ROBO4: variants seen among roughly 807,000 people sequenced by gnomAD.
ROBO4 encodes roundabout homolog 4.
Under a neutral mutation model 103.3 loss-of-function variants are expected in ROBO4, and 80 were observed. The ratio of observed to expected loss-of-function variants is 0.77; its 90% CI spans 0.65 to 0.93. ROBO4 has a LOEUF of 0.93. Ranked by LOEUF, ROBO4 falls within the 40% of genes least tolerant of loss-of-function variation. The pLI is 0.00. For missense variants in ROBO4, 1,333 were observed against 1,305.3 expected, an observed-to-expected ratio of 1.02 and a Z score of -0.33; for synonymous variants, 504 against 529.7, an observed-to-expected ratio of 0.95 and a Z score of 0.67.
intron 1 of ROBO4, 189 bp downstream of exon 1, chr11:124,897,537 T>G: frequency 1.7e-6 from 1 of 590,344 alleles, no homozygotes; most frequent in Non-Finnish European, 3.1e-6. Context: ...CTCTCTTTCC[T>G]TCTTTCTCTC....
At position 124,895,096 on chromosome 11, in the gene ROBO4, G is replaced by T; in HGVS notation, c.1134C>A (p.Ile378=). Residue 378 remains isoleucine (I), a synonymous_variant, in exon 7 of 18, where the codon ATC becomes ATA. Coordinates refer to ENST00000306534, the MANE Select transcript of ROBO4 (RefSeq NM_019055.6). The part of the protein sequence containing the change: ...VPPPAENHNG[I]IRGYQVWSLG... ...GTGGGGGTACCTGGTAGCCACGGATGATGCCATTGTGGTTTTCAGCAGGTG... is the reference window on the plus strand; with the variant it reads ...GTGGGGGTACCTGGTAGCCACGGATTATGCCATTGTGGTTTTCAGCAGGTG... The T allele has an allele frequency of 6.2e-7, 1 of 1,613,798 alleles. No individual in the cohort carries two copies. Among genetic ancestry groups the T allele is most frequent in the Middle Eastern group, 1.6e-4 (1 of 6,062 alleles).
chr11:124,887,245 G>C (rs1163537963), intron 14 of ROBO4, 32 bp from the exon 15 acceptor site: 2 of 1,587,484 alleles, frequency 1.3e-6, no homozygotes. Context: ...TGGCACCGTA[G>C]TTACTACAGC....
intron 1 of ROBO4, 108 bp from the exon 2 acceptor site, chr11:124,897,369 T>A: frequency 1.2e-6 from 1 of 843,612 alleles, no homozygotes; most frequent in Non-Finnish European, 1.8e-6. Flanking sequence ...AGAAAACCTG[T>A]AATCTGAACT....
At chr11:124,885,694 C>T (rs1303544899) in intron 16 of ROBO4, among the ~76,000 whole-genome samples, 1 of 151,912 alleles carries the variant, frequency 6.6e-6, no homozygotes, top group East Asian at 1.9e-4. Context: ...CCCTGTACTA[C>T]CTTCTGCTGA....
intron 12 of ROBO4, among the ~76,000 whole-genome samples, chr11:124,890,775 TA>T (rs1229054326): frequency 1.3e-5 from 2 of 152,302 alleles, no homozygotes; most frequent in East Asian, 3.9e-4. Flanking sequence ...AGAAAGGAAA[TA>T]CCCATTCCTC....
rs1176492350 is a variant in ROBO4 at position 124,895,080 on chromosome 11, C to T, written c.1149+1G>A. ...AGGGCTATGACAGCTAGTGGGGGTA[C>T]CTGGTAGCCACGGATGATGCCATTG... is the stretch of plus-strand genomic sequence containing the variant. On this transcript the variant is annotated splice_donor_variant, in intron 7 of 17. Transcript: ENST00000306534. LOFTEE classifies it high-confidence loss of function. 6.2e-7 allele frequency: 1 copy of T among 1,609,494 alleles called. No individual in the cohort carries two copies. Among genetic ancestry groups the T allele is most frequent in the African/African-American group, 1.3e-5 (1 of 74,788 alleles).
chr11:124,884,066 T>G lies in ROBO4; in HGVS notation c.*825A>C, dbSNP rs1439533943. 6.6e-6 allele frequency: 1 copy of G among 152,156 alleles called. No individual in the cohort carries two copies. The highest frequency in any genetic ancestry group is 1.5e-5 in the Non-Finnish European group (1 of 68,030). 9.4% of individuals were successfully genotyped at this position (152,156 alleles called of 1,614,324 possible). A position where few individuals can be genotyped will look rare whatever the true frequency, so the allele number is the denominator to read the frequency against. ...TATATTCTGCTTAAAATTTGGTGGA[T>G]GAACCTCATTCTCCCTTTAATTGCA... On this transcript the variant is annotated 3_prime_UTR_variant, in exon 18 of 18. Coordinates refer to ENST00000306534, the MANE Select transcript of ROBO4 (RefSeq NM_019055.6).
Position 124,884,843 on chromosome 11 carries a change from CAGG to C in ROBO4, c.*45_*47del. 6.2e-7 allele frequency: 1 copy of C among 1,611,062 alleles called. No individual in the cohort carries two copies. Among genetic ancestry groups the C allele is most frequent in the Non-Finnish European group, 8.5e-7 (1 of 1,177,200 alleles). On this transcript the variant is annotated 3_prime_UTR_variant, in exon 18 of 18. Transcript: ENST00000306534. ...CCACAGCCCAGGTCTTGTGGGTGGA[CAGG>C]AGAAGTGGTTCTGATTCCCGTCTGG...
At position 124,885,145 on chromosome 11, in the gene ROBO4, AC is replaced by A. The variant is rs755426029; in HGVS notation, c.2896del (p.Val966SerfsTer39). On this transcript the variant is annotated frameshift_variant, in exon 17 of 18. Coordinates refer to ENST00000306534, the MANE Select transcript of ROBO4 (RefSeq NM_019055.6). LOFTEE classifies it high-confidence loss of function. ...CCTTCCCAGCCGCTGGGTGTGGCTG[AC>A]CTCCATGTCTTCCAACCAGTCTGGC... is the stretch of plus-strand genomic sequence containing the variant. Reference protein sequence around the residue: ...WRPDWLEDMEVSHTQRLGRGM... With the variant: ...WRPDWLEDMEXSHTQRLGRGM... 6.2e-7 allele frequency: 1 copy of A among 1,613,750 alleles called. No individual in the cohort carries two copies. The highest frequency in any genetic ancestry group is 8.5e-7 in the Non-Finnish European group (1 of 1,180,004).
At position 124,896,636 on chromosome 11, in the gene ROBO4, G is replaced by A. The variant is rs769667926; in HGVS notation, c.435C>T (p.Asp145=). Residue 145 remains aspartate (D), a synonymous_variant, in exon 3 of 18, where the codon GAC becomes GAT. Coordinates refer to ENST00000306534, the MANE Select transcript of ROBO4 (RefSeq NM_019055.6). ...ACTGCTCACCCACCACAGCCACCAT[G>A]TCCCGAGGCTGGATCTGGAAATCCT... The part of the protein sequence containing the change: ...LREDFQIQPR[D]MVAVVGEQFT... The A allele has an allele frequency of 1.5e-5, 24 of 1,614,162 alleles. No homozygotes were observed. Among genetic ancestry groups the A allele is most frequent in the Non-Finnish European group, 2.0e-5 (24 of 1,180,008 alleles).
chr11:124,887,548 C>A, intron 13 of ROBO4, 49 bp from the exon 14 acceptor site: 1 of 1,609,312 alleles, frequency 6.2e-7, no homozygotes, highest in South Asian at 1.1e-5. Flanking sequence ...CCCATCTGCT[C>A]TGGAGCTCAG....
Position 124,891,616 on chromosome 11 carries a change from C to G in ROBO4, c.1684+50G>C. 4 of 1,614,184 alleles carry G rather than the reference C, an allele frequency of 2.5e-6. No homozygotes were observed. In the South Asian group the frequency reaches 3.3e-5, roughly 13 times the overall value. On this transcript the variant is annotated intron_variant, in intron 11 of 17. Coordinates refer to ENST00000306534, the MANE Select transcript of ROBO4 (RefSeq NM_019055.6). ...GGTGAGCATGTCCTGCTTTCCATCC[C>G]TGAGATCACTGCCCCCAGCTAGGCC...
intron 16 of ROBO4, 80 bp from the exon 17 acceptor site, chr11:124,885,327 C>A: frequency 2.5e-6 from 3 of 1,180,086 alleles, no homozygotes; most frequent in Middle Eastern, 2.8e-4. Flanking sequence ...AGCTTAGGAC[C>A]AGCTCAGGGC....
At position 124,895,159 on chromosome 11, in the gene ROBO4, C is replaced by G. The variant is rs2045968089; in HGVS notation, c.1071G>C (p.Lys357Asn). The change falls in exon 7 of 18, where the codon AAG becomes AAC. Residue 357 changes from lysine to asparagine, a missense_variant. Lys to Asn is a moderately conservative substitution (Grantham distance 94). Transcript: ENST00000306534. ...TCACAAAGACAGTGCCATTGCCAGG[C>G]TTTAGAGTCACTTCCTGAGGTGGGG... ...PSAPPQEVTL[K>N]PGNGTVFVSW... 1 of 1,613,966 alleles carries G rather than the reference C, an allele frequency of 6.2e-7. No homozygotes were observed. The highest frequency in any genetic ancestry group is 8.5e-7 in the Non-Finnish European group (1 of 1,180,002).
At chr11:124,896,388 G>GC in intron 3 of ROBO4, 70 bp from the exon 4 acceptor site, 1 of 1,599,740 alleles carries the variant, frequency 6.3e-7, no homozygotes, top group Non-Finnish European at 8.5e-7. Flanking sequence ...GAAGTTTGAG[G>GC]CCCCCTGCTC....
intron 12 of ROBO4, among the ~76,000 whole-genome samples, chr11:124,888,552 G>T (rs1946752453): frequency 6.6e-6 from 1 of 152,214 alleles, no homozygotes; most frequent in Non-Finnish European, 1.5e-5. Flanking sequence ...GGGACGCAAT[G>T]CCCTGCCCAT....
rs1488414539 is a variant in ROBO4, at chr11:124,887,493, A to G, written c.2063T>C (p.Val688Ala). The G allele has an allele frequency of 6.2e-7, 1 of 1,613,734 alleles. No homozygotes were observed. Among genetic ancestry groups the G allele is most frequent in the African/African-American group, 1.3e-5 (1 of 75,002 alleles). Residue 688 changes from valine (V) to alanine (A), a missense_variant, in exon 14 of 18, where the codon GTG becomes GCG. Physicochemically the swap from Val to Ala is moderately conservative, Grantham distance 64. Transcript: ENST00000306534. ...SKNLSQSPGA[V>A]PQALVAWRAL... ...CCGCCAGGCAACCAGAGCTTGGGGC[A>G]CAGCTCCTGGGGAAGAGAAGCCTGG...
intron 4 of ROBO4, 56 bp downstream of exon 4, chr11:124,896,142 C>A: frequency 6.3e-7 from 1 of 1,599,466 alleles, no homozygotes; most frequent in South Asian, 1.1e-5. Context: ...CCAGAATACA[C>A]CACCCCAACT....
In ROBO4 at chr11:124,887,531, T is replaced by C. The variant is rs544171344; in HGVS notation, c.2057-32A>G. 3.8e-5 allele frequency: 61 copies of C among 1,612,440 alleles called. No homozygotes were observed. In the African/African-American group the frequency reaches 6.8e-4, roughly 18 times the overall value. On this transcript the variant is annotated intron_variant, in intron 13 of 17. Transcript: ENST00000306534. ...AAGAGAAGCCTGGGTGTGAGAACAGTGGCATCCCCATCTGCTCTGGAGCTC... is the reference window on the plus strand; with the variant it reads ...AAGAGAAGCCTGGGTGTGAGAACAGCGGCATCCCCATCTGCTCTGGAGCTC...
Sources: gnomAD v4.1 joint callset for allele counts (sites outside exome capture counted in the v4.1 genomes callset) on GRCh38, gnomAD v4.1.1 for gene constraint, MANE v1.5 for transcripts, NCBI Gene and HGNC (gene_info 2026-07-23, HGNC 2026-07-21) for gene names.